The following EPRS1 variants were observed in gnomAD, a reference collection of about 807,000 sequenced individuals.
EPRS1 encodes bifunctional glutamate/proline--tRNA ligase.
In EPRS1, 107 loss-of-function variants were observed where a neutral mutation model predicts 188.3. That is an observed-to-expected ratio of 0.57 (90% CI 0.49 to 0.67). EPRS1 has a LOEUF of 0.67. Ranked by LOEUF, EPRS1 falls within the 30% of genes least tolerant of loss-of-function variation. The pLI is 0.00. For synonymous variants in EPRS1, 596 were observed against 593.1 expected (o/e 1.00, Z -0.07); for missense variants, 1,577 against 1,802.2 (o/e 0.88, Z 2.26).
chr1:220,040,058 G>A (rs931456625), intron 2 of EPRS1, 127 bp downstream of exon 2: 10 of 610,380 alleles, frequency 1.6e-5, no homozygotes, highest in Middle Eastern at 4.4e-4. Flanking sequence ...CTGAGTCCAC[G>A]AGTTCTAGGT....
intron 2 of EPRS1, among the ~76,000 whole-genome samples, chr1:220,038,429 C>T (rs563999368): frequency 2.3e-4 from 32 of 138,048 alleles, no homozygotes; most frequent in African/African-American, 8.9e-4. Flanking sequence ...CTCCCTCTGT[C>T]ATCCATGCTG....
At chr1:220,011,439 C>A (rs2789808) in intron 12 of EPRS1, among the ~76,000 whole-genome samples, 69 of 152,174 alleles carry the variant, frequency 4.5e-4, no homozygotes, top group Non-Finnish European at 6.0e-4. Context: ...TTTGGACAAG[C>A]CCATTTTAAG....
chr1:220,005,105 A>G, intron 16 of EPRS1, 143 bp downstream of exon 16: 1 of 400,644 alleles, frequency 2.5e-6, no homozygotes, highest in Non-Finnish European at 4.4e-6. Flanking sequence ...ACTTGTCTAA[A>G]ATGTTAAATA....
rs780886318 is a variant in EPRS1, at chr1:220,032,395, C to G, written c.520G>C (p.Ala174Pro). ...GTKWDVSTTKARVAPEKKQDV... is the reference protein window; with the variant it reads ...GTKWDVSTTKPRVAPEKKQDV... Reference sequence around the variant, plus strand: ...AAGAAAAAAAGGCTTACCACTCGAGCTTTGGTTGTTGAAACATCCCACTTG... The same window carrying G: ...AAGAAAAAAAGGCTTACCACTCGAGGTTTGGTTGTTGAAACATCCCACTTG... The change falls in exon 5 of 32, where the codon GCT (alanine) becomes CCT (proline). Residue 174 changes from alanine to proline, a missense_variant. This residue lies in a region of EPRS1 where 1,278 missense variants were observed against 1,457.4 expected (regional missense o/e 0.88). Transcript: ENST00000366923. The G allele has an allele frequency of 6.2e-7, 1 of 1,600,614 alleles. No individual in the cohort carries two copies. Among genetic ancestry groups the G allele is most frequent in the African/African-American group, 1.4e-5 (1 of 73,696 alleles).
chr1:219,994,075 T>C (rs189505853), intron 18 of EPRS1, among the ~76,000 whole-genome samples: 21 of 152,338 alleles, frequency 1.4e-4, no homozygotes, highest in Admixed American at 1.2e-3. Context: ...TTGAATAACA[T>C]TGTTTTGTTT....
chr1:220,037,537 A>G (rs1453672335), intron 2 of EPRS1, among the ~76,000 whole-genome samples: 1 of 151,598 alleles, frequency 6.6e-6, no homozygotes, highest in Non-Finnish European at 1.5e-5. Flanking sequence ...AGAAAGATGG[A>G]AAATGGAGGT....
intron 1 of EPRS1, among the ~76,000 whole-genome samples, chr1:220,044,711 A>AAAAAAAAAT (rs1558064845): frequency 3.2e-5 from 4 of 124,896 alleles, no homozygotes; most frequent in Admixed American, 8.7e-5. Context: ...AAAAAAAAAA[A>AAAAAAAAAT]AACAGTATCA....
chr1:219,983,974 A>C (rs112356877), intron 21 of EPRS1, among the ~76,000 whole-genome samples: 9 of 150,920 alleles, frequency 6.0e-5, no homozygotes, highest in African/African-American at 2.2e-4. Context: ...TAATCCCTTT[A>C]TCTCACCTAA....
chr1:219,985,090 A>G (rs1660981842), intron 20 of EPRS1, among the ~76,000 whole-genome samples: 1 of 151,970 alleles, frequency 6.6e-6, no homozygotes, highest in African/African-American at 2.4e-5. Context: ...CAGCAGAGAC[A>G]TCTCTTAAAA....
chr1:220,028,117 A>G (rs1214663681), intron 6 of EPRS1, among the ~76,000 whole-genome samples: 2 of 152,124 alleles, frequency 1.3e-5, no homozygotes, highest in Non-Finnish European at 2.9e-5. Context: ...TTAAAAATTT[A>G]TTAAAAATAA....
Position 220,032,473 on chromosome 1 carries a change from T to C in EPRS1, c.442A>G (p.Lys148Glu). The C allele has an allele frequency of 6.2e-7, 1 of 1,613,924 alleles. No individual in the cohort carries two copies. The highest frequency in any genetic ancestry group is 8.5e-7 in the Non-Finnish European group (1 of 1,179,934). Residue 148 changes from lysine to glutamate, a missense_variant, in exon 5 of 32, where the codon AAA (lysine) becomes GAA (glutamate). Lys to Glu is a moderately conservative substitution (Grantham distance 56, BLOSUM62 1). Transcript: ENST00000366923. ...GCTTCAAGAAAGCCAAACCAACGTT[T>C]TACATGAACTGGAGCTTTCTTCTGT... ...LKQKKAPVHVKRWFGFLEAQQ... is the reference protein window; with the variant it reads ...LKQKKAPVHVERWFGFLEAQQ...
At chr1:220,032,055 G>A (rs2102596050) in intron 5 of EPRS1, among the ~76,000 whole-genome samples, 1 of 152,044 alleles carries the variant, frequency 6.6e-6, no homozygotes, top group East Asian at 1.9e-4. Flanking sequence ...TTCAGACCTA[G>A]GGCCTCAGAC....
At chr1:220,022,755 A>G (rs1441039013) in intron 8 of EPRS1, among the ~76,000 whole-genome samples, 1 of 152,230 alleles carries the variant, frequency 6.6e-6, no homozygotes, top group African/African-American at 2.4e-5. Context: ...GGTAACATCA[A>G]TACATTCCAC....
At position 219,997,053 on chromosome 1, in the gene EPRS1, T is replaced by A; in HGVS notation, c.2471A>T (p.Lys824Ile). ...SNSSASILES[K>I]SLYDEVAAQG... The stretch of plus-strand genomic sequence containing the variant: ...TGCAGCAACTTCATCATACAGAGAT[T>A]TACTTTCCAGAATACTTGCTGAGGA... The change falls in exon 18 of 32, where the codon AAA (lysine) becomes ATA (isoleucine). Residue 824 changes from lysine (K) to isoleucine (I), a missense_variant. Coordinates refer to ENST00000366923, the MANE Select transcript of EPRS1 (RefSeq NM_004446.3). 6.2e-7 allele frequency: 1 copy of A among 1,613,824 alleles called. No homozygotes were observed. Among genetic ancestry groups the A allele is most frequent in the Non-Finnish European group, 8.5e-7 (1 of 1,179,914 alleles).
At chr1:220,033,724 A>C in intron 3 of EPRS1, 66 bp from the exon 4 acceptor site, 1 of 1,253,522 alleles carries the variant, frequency 8.0e-7, no homozygotes, top group South Asian at 1.3e-5. Flanking sequence ...GAAAGACCAT[A>C]AAAAAATTCT....
intron 8 of EPRS1, 129 bp downstream of exon 8, chr1:220,024,135 G>C (rs978500782): frequency 1.5e-5 from 10 of 648,244 alleles, no homozygotes; most frequent in South Asian, 2.3e-5. Flanking sequence ...CCAGGCAACA[G>C]AGCGAGACTC....
At chr1:219,991,620 ATAAT>A (rs1386939866) in intron 18 of EPRS1, among the ~76,000 whole-genome samples, 6 of 152,204 alleles carry the variant, frequency 3.9e-5, no homozygotes, top group Non-Finnish European at 5.9e-5. Flanking sequence ...TTTTAAGAAA[ATAAT>A]TAACCAGTTG....
chr1:219,974,389 T>C lies in EPRS1; in HGVS notation c.4084-991A>G, dbSNP rs190977237. ...TATGCAAGTTTACGACTTGGGAATG[T>C]TCAATCTTGTGAATGTGTATCCCGT... On this transcript the variant is annotated intron_variant, in intron 28 of 31. Transcript: ENST00000366923. Among the ~76,000 whole-genome samples, 5 of 152,336 alleles carry C rather than the reference T, an allele frequency of 3.3e-5. No homozygotes were observed. In the East Asian group the frequency reaches 9.6e-4, roughly 29 times the overall value.
chr1:219,996,307 G>A (rs567528082), intron 18 of EPRS1, among the ~76,000 whole-genome samples: 5 of 152,140 alleles, frequency 3.3e-5, no homozygotes, highest in Non-Finnish European at 7.4e-5. Flanking sequence ...GATAATCACA[G>A]GTCAAAAACC....
Sources: allele counts gnomAD v4.1 joint callset (sites outside exome capture counted in the v4.1 genomes callset), GRCh38; gene constraint gnomAD v4.1.1; regional missense constraint gnomAD v4.1.1; transcripts MANE v1.5; gene names NCBI Gene and HGNC (gene_info 2026-07-23, HGNC 2026-07-21).